KMT2C: variants seen among roughly 807,000 people sequenced by gnomAD.
KMT2C encodes the protein histone-lysine N-methyltransferase 2C.
KMT2C carries 88 observed loss-of-function variants against 507.9 expected under a neutral mutation model. The observed-to-expected ratio is 0.17, with a 90% CI of 0.15 to 0.21. The LOEUF (loss-of-function observed/expected upper bound fraction) is 0.21, where lower values mean the gene tolerates loss of function less well. Ranked by LOEUF, KMT2C falls within the 10% of genes least tolerant of loss-of-function variation. The probability of loss-of-function intolerance (pLI) is 1.00; values close to 1 mark genes in which losing one functional copy is unlikely to be tolerated. For synonymous variants in KMT2C, 2,049 were observed against 2,080.8 expected (o/e 0.98, Z 0.42); for missense variants, 4,954 against 5,957.8 (o/e 0.83, Z 5.55).
chr7:152,199,308 G>A lies in KMT2C; in HGVS notation c.4244C>T (p.Ser1415Phe), dbSNP rs1196069580. 3 of 1,597,344 alleles carry A rather than the reference G, an allele frequency of 1.9e-6. No homozygotes were observed. Among genetic ancestry groups the A allele is most frequent in the South Asian group, 1.2e-5 (1 of 86,668 alleles). ...AGTTCCAGATTTTGTTGGAGCCGAGGATGAACTAAGTAGTGGATCTAAGGA... is the reference window on the plus strand; with the variant it reads ...AGTTCCAGATTTTGTTGGAGCCGAGAATGAACTAAGTAGTGGATCTAAGGA... ...DPSLDPLLSS[S>F]SAPTKSGTHG... Residue 1415 changes from serine to phenylalanine, a missense_variant, in exon 27 of 59, where the codon TCC becomes TTC. By Grantham distance (155) the Ser-to-Phe change is radical. Transcript: ENST00000262189.
chr7:152,425,333 T>C (rs2097805393), intron 1 of KMT2C, among the ~76,000 whole-genome samples: 1 of 152,228 alleles, frequency 6.6e-6, no homozygotes, highest in South Asian at 2.1e-4. Context: ...CCCTGCACTT[T>C]GGAAGGCCAA....
At chr7:152,266,995 C>T (rs1484512441) in intron 7 of KMT2C, among the ~76,000 whole-genome samples, 1 of 152,188 alleles carries the variant, frequency 6.6e-6, no homozygotes, top group South Asian at 2.1e-4. Context: ...TAGCCACTCC[C>T]ACATTAAAAC....
chr7:152,230,741 T>G (rs180875391), intron 16 of KMT2C, among the ~76,000 whole-genome samples: 2 of 152,210 alleles, frequency 1.3e-5, no homozygotes, highest in African/African-American at 4.8e-5. Flanking sequence ...TAATTACATA[T>G]TACGTGTTGA....
chr7:152,424,931 A>G (rs1457820940), intron 1 of KMT2C, among the ~76,000 whole-genome samples: 1 of 152,172 alleles, frequency 6.6e-6, no homozygotes, highest in Non-Finnish European at 1.5e-5. Context: ...ACAAAAGTAG[A>G]AGCTGCCTGA....
intron 7 of KMT2C, among the ~76,000 whole-genome samples, chr7:152,272,189 C>T (rs1238813477): frequency 6.6e-6 from 1 of 152,140 alleles, no homozygotes; most frequent in Non-Finnish European, 1.5e-5. Context: ...TCATTATATA[C>T]ATGATCAACA....
At chr7:152,161,450 C>T (rs533297697) in intron 43 of KMT2C, among the ~76,000 whole-genome samples, 1 of 152,076 alleles carries the variant, frequency 6.6e-6, no homozygotes, top group African/African-American at 2.4e-5. Flanking sequence ...ATTAAGCAGA[C>T]CAATTCCCAT....
chr7:152,378,089 T>C (rs533914611), intron 1 of KMT2C, among the ~76,000 whole-genome samples: 1 of 152,186 alleles, frequency 6.6e-6, no homozygotes, highest in Non-Finnish European at 1.5e-5. Flanking sequence ...TTCTTAAAGA[T>C]GGAATCTACT....
intron 52 of KMT2C, among the ~76,000 whole-genome samples, chr7:152,147,075 T>C (rs1259559569): frequency 1.3e-5 from 2 of 152,234 alleles, no homozygotes; most frequent in Non-Finnish European, 2.9e-5. Flanking sequence ...GTAATGTCTA[T>C]AGCTATGTTC....
At chr7:152,223,882 G>A (rs2094850072) in intron 20 of KMT2C, 133 bp downstream of exon 20, 1 of 636,228 alleles carries the variant, frequency 1.6e-6, no homozygotes, top group Non-Finnish European at 2.7e-6. Context: ...GTTTCTAGGT[G>A]ACTAAAAATC....
chr7:152,304,340 CCTCT>C (rs372906720), intron 6 of KMT2C, among the ~76,000 whole-genome samples: 388 of 152,098 alleles, frequency 2.6e-3, no homozygotes, highest in African/African-American at 8.7e-3. Flanking sequence ...AAAATTTCAC[CCTCT>C]CTAATAAAAA....
intron 1 of KMT2C, among the ~76,000 whole-genome samples, chr7:152,362,893 G>A (rs2097207941): frequency 1.3e-5 from 2 of 152,192 alleles, no homozygotes; most frequent in Non-Finnish European, 2.9e-5. Context: ...AGGAAGACAT[G>A]CTTTTTACGT....
At chr7:152,354,638 A>C (rs1376441123) in intron 2 of KMT2C, among the ~76,000 whole-genome samples, 2 of 152,238 alleles carry the variant, frequency 1.3e-5, no homozygotes, top group Non-Finnish European at 2.9e-5. Context: ...GACTGAAGTA[A>C]GGGAATAAGC....
chr7:152,358,246 C>T (rs950660292), intron 2 of KMT2C, among the ~76,000 whole-genome samples: 5 of 152,046 alleles, frequency 3.3e-5, no homozygotes, highest in African/African-American at 1.2e-4. Context: ...ACAAAATAAG[C>T]TTTAAACAAA....
chr7:152,139,014 A>G lies in KMT2C; in HGVS notation c.14535-110T>C. On this transcript the variant is annotated intron_variant, in intron 57 of 58. Coordinates refer to ENST00000262189, the MANE Select transcript of KMT2C (RefSeq NM_170606.3). Reference sequence around the variant, plus strand: ...TTGCTAATTAAATTTCTATTTGCCCATTGTTAGAAGCACAAATATAACATT... The same window carrying G: ...TTGCTAATTAAATTTCTATTTGCCCGTTGTTAGAAGCACAAATATAACATT... 4 of 1,030,734 alleles carry G rather than the reference A, an allele frequency of 3.9e-6. No individual in the cohort carries two copies. In the South Asian group the frequency reaches 4.0e-5, roughly 10 times the overall value. 63.8% of individuals were successfully genotyped at this position (1,030,734 alleles called of 1,614,324 possible). A position where few individuals can be genotyped will look rare whatever the true frequency, so the allele number is the denominator to read the frequency against.
intron 48 of KMT2C, 147 bp from the exon 49 acceptor site, chr7:152,153,101 C>T: frequency 9.3e-7 from 1 of 1,070,092 alleles, no homozygotes; most frequent in Non-Finnish European, 1.3e-6. Flanking sequence ...TAAAGAACCT[C>T]AGGAAAAAAA....
chr7:152,380,252 C>CAAAACAAAACAA lies in KMT2C; in HGVS notation c.162-21589_162-21578dup, dbSNP rs574168933. Among the ~76,000 whole-genome samples, 88 of 81,106 alleles carry CAAAACAAAACAA rather than the reference C, an allele frequency of 1.1e-3. 1 individual carries two copies. The South Asian group carries it at 0.031, about 28-fold the overall frequency. The allele number at this position is 81,106 out of a possible 152,430, so 53.2% of individuals were successfully genotyped here. On this transcript the variant is annotated intron_variant, in intron 1 of 58. Coordinates refer to ENST00000262189, the MANE Select transcript of KMT2C (RefSeq NM_170606.3). ...GAGACTCCATCTCCAAAAAAAAAAA[C>CAAAACAAAACAA]AAAACAAAACAAAAAACAAAACAAA...
intron 18 of KMT2C, among the ~76,000 whole-genome samples, chr7:152,226,299 C>T (rs1446044438): frequency 1.6e-5 from 2 of 122,900 alleles, no homozygotes; most frequent in South Asian, 2.7e-4. Context: ...GTGGTGTGAT[C>T]TCAGCTCACT....
chr7:152,330,070 G>C (rs2096866589), intron 3 of KMT2C, among the ~76,000 whole-genome samples: 1 of 142,738 alleles, frequency 7.0e-6, no homozygotes, highest in African/African-American at 2.6e-5. Context: ...CTTGAACCAG[G>C]GAATTGGAGG....
intron 6 of KMT2C, among the ~76,000 whole-genome samples, chr7:152,277,421 T>C (rs1372195864): frequency 6.6e-6 from 1 of 152,194 alleles, no homozygotes; most frequent in Non-Finnish European, 1.5e-5. Flanking sequence ...GGAGGGATTA[T>C]AATCACCAAA....
Sources: allele counts gnomAD v4.1 joint callset (sites outside exome capture counted in the v4.1 genomes callset), GRCh38; gene constraint gnomAD v4.1.1; transcripts MANE v1.5; gene names NCBI Gene and HGNC (gene_info 2026-07-23, HGNC 2026-07-21).